The following ANK3 variants were observed in gnomAD, a reference collection of about 807,000 sequenced individuals.
ANK3 encodes the protein ankyrin-3.
In ANK3, 57 loss-of-function variants were observed where a neutral mutation model predicts 370.9. The ratio of observed to expected loss-of-function variants is 0.15; its 90% confidence interval spans 0.12 to 0.19. ANK3 has a LOEUF of 0.19. ANK3 is among the 10% of genes least tolerant of loss of function. The pLI is 1.00. For synonymous variants in ANK3, 1,929 were observed against 1,946.3 expected, an observed-to-expected ratio of 0.99 and a Z score of 0.23; for missense variants, 4,439 against 5,302.1, an observed-to-expected ratio of 0.84 and a Z score of 5.06.
At position 60,070,106 on chromosome 10, in the gene ANK3, C is replaced by T. The variant is rs756153597; in HGVS notation, c.10775G>A (p.Ser3592Asn). ...TTPARTPTDE[S>N]TPTSEPNPFP... is the part of the protein sequence containing the mutation. The stretch of plus-strand genomic sequence containing the variant: ...GGGGTTAGGCTCACTAGTTGGGGTA[C>T]TTTCATCAGTTGGCGTTCTGGCTGG... The change falls in exon 37 of 44, where the codon AGT becomes AAT. Residue 3592 changes from serine (S) to asparagine (N), a missense_variant. Around this residue, in one of 13 missense-constraint regions of ANK3, gnomAD observed 1,601 missense variants for 1,731.7 expected, o/e 0.92. Transcript: ENST00000280772. This position sits in a 1 kb window ranked among gnomAD's most constrained non-coding sequence, Gnocchi z 5.7. 7.4e-6 allele frequency: 12 copies of T among 1,614,120 alleles called. No individual in the cohort carries two copies. The Admixed American group carries it at 1.7e-4, about 22-fold the overall frequency.
intron 23 of ANK3, among the ~76,000 whole-genome samples, chr10:60,157,317 G>A (rs771065226): frequency 1.1e-4 from 16 of 148,418 alleles, no homozygotes; most frequent in South Asian, 2.1e-4. Flanking sequence ...GACTACAGGC[G>A]TGAGCCACTG....
Position 60,070,970 on chromosome 10 carries a change from G to C in ANK3, c.9911C>G (p.Pro3304Arg). 1 of 1,614,116 alleles carries C rather than the reference G, an allele frequency of 6.2e-7. No homozygotes were observed. Among genetic ancestry groups the C allele is most frequent in the Non-Finnish European group, 8.5e-7 (1 of 1,180,020 alleles). Residue 3304 changes from proline (P) to arginine (R), a missense_variant, in exon 37 of 44, where the codon CCA (proline) becomes CGA (arginine). By Grantham distance (103) the Pro-to-Arg change is moderately radical (BLOSUM62 -2). This residue lies in a region of ANK3 where 1,601 missense variants were observed against 1,731.7 expected (regional missense o/e 0.92). Transcript: ENST00000280772. This position sits in a 1 kb window ranked among gnomAD's most constrained non-coding sequence, Gnocchi z 5.7. The stretch of plus-strand genomic sequence containing the variant: ...TGCCCCGGGAGGAACTGGTGAAGGT[G>C]GCTGCACTCTAATGACAGGTTCAGC... ...QLAEPVIRVQ[P>R]PSPVPPGADV...
intron 1 of ANK3, among the ~76,000 whole-genome samples, chr10:60,676,387 A>G (rs1189383353): frequency 7.7e-6 from 1 of 130,564 alleles, no homozygotes; most frequent in East Asian, 2.0e-4. Context: ...ATTATTCTAC[A>G]TTTTCTATAA....
chr10:60,344,808 T>C (rs543214227), intron 1 of ANK3, among the ~76,000 whole-genome samples: 130 of 152,334 alleles, frequency 8.5e-4, no homozygotes, highest in African/African-American at 2.9e-3. Flanking sequence ...CAGATATGTG[T>C]ATCAATCAAA....
At chr10:60,099,771 A>G (rs190079292) in intron 28 of ANK3, among the ~76,000 whole-genome samples, 21 of 152,260 alleles carry the variant, frequency 1.4e-4, no homozygotes, top group Admixed American at 1.3e-3. Flanking sequence ...TGAATCAATA[A>G]CCTCGCATGA....
chr10:60,329,073 A>C (rs1356539843), intron 1 of ANK3, among the ~76,000 whole-genome samples: 2 of 152,200 alleles, frequency 1.3e-5, no homozygotes, highest in Non-Finnish European at 2.9e-5. Context: ...GCCTTCAATA[A>C]AATTCAACAT....
chr10:60,327,001 C>CAGAG (rs559252893), intron 1 of ANK3, among the ~76,000 whole-genome samples: 1 of 138,140 alleles, frequency 7.2e-6, no homozygotes, highest in Non-Finnish European at 1.5e-5. Flanking sequence ...GCCTGGGCGA[C>CAGAG]CGAGACTCCG....
intron 1 of ANK3, among the ~76,000 whole-genome samples, chr10:60,711,044 C>A (rs1227822253): frequency 6.6e-6 from 1 of 152,212 alleles, no homozygotes; most frequent in East Asian, 1.9e-4. Flanking sequence ...CTGACAAACA[C>A]ATCCCAAAAT....
Position 60,518,375 on chromosome 10 carries a change from C to G in ANK3, c.96+96811G>C, listed in dbSNP as rs72807955. On this transcript the variant is annotated intron_variant, in intron 2 of 43. Transcript: ENST00000373827. ...TGCTCTGGCCTCCTTGAGCCACAAG[C>G]CCCCTAACGTTACTACAGGAAGCTG... 5.5e-3 allele frequency among the ~76,000 whole-genome samples: 837 copies of G among 152,224 alleles called. 4 individuals carry two copies. Among genetic ancestry groups the G allele is most frequent in the South Asian group, 0.012 (58 of 4,820 alleles).
chr10:60,197,754 G>T (rs1409053341), intron 14 of ANK3, among the ~76,000 whole-genome samples: 2 of 152,140 alleles, frequency 1.3e-5, no homozygotes, highest in Admixed American at 6.5e-5. Flanking sequence ...TATCACACTT[G>T]CAAGGCTTAT....
At chr10:60,226,555 G>C (rs867098283) in intron 8 of ANK3, among the ~76,000 whole-genome samples, 5 of 9,300 alleles carry the variant, frequency 5.4e-4, no homozygotes, top group Admixed American at 1.3e-3. Flanking sequence ...ATATACTATA[G>C]TATATATACA....
chr10:60,165,813 T>C (rs2095609961), intron 23 of ANK3, among the ~76,000 whole-genome samples: 1 of 152,042 alleles, frequency 6.6e-6, no homozygotes, highest in Non-Finnish European at 1.5e-5. Context: ...TTTGGGAGAG[T>C]CAAATGATGC....
chr10:60,519,485 G>A (rs1278616374), intron 2 of ANK3, among the ~76,000 whole-genome samples: 1 of 152,130 alleles, frequency 6.6e-6, no homozygotes. Flanking sequence ...TAATTGAACT[G>A]CAAAATACCT....
intron 2 of ANK3, among the ~76,000 whole-genome samples, chr10:60,492,671 C>T (rs988113029): frequency 4.6e-5 from 6 of 130,718 alleles, no homozygotes; most frequent in African/African-American, 1.2e-4. Context: ...CATGCCACTG[C>T]GCTCCAGCCT....
intron 7 of ANK3, among the ~76,000 whole-genome samples, chr10:60,260,579 A>G (rs924715997): frequency 5.9e-5 from 9 of 152,162 alleles, no homozygotes; most frequent in Non-Finnish European, 8.8e-5. Flanking sequence ...GTAGTGTCCC[A>G]TGTTGGAGGT....
chr10:60,515,832 A>T (rs1240450897), intron 2 of ANK3, among the ~76,000 whole-genome samples: 2 of 152,192 alleles, frequency 1.3e-5, no homozygotes, highest in African/African-American at 4.8e-5. Flanking sequence ...AAATCATGTC[A>T]TTATACTAGT....
chr10:60,640,742 CCT>C (rs2078620992), intron 1 of ANK3, among the ~76,000 whole-genome samples: 1 of 89,472 alleles, frequency 1.1e-5, no homozygotes, highest in Non-Finnish European at 2.5e-5. Flanking sequence ...ACAGCGATGC[CCT>C]CTCTCACCAC....
chr10:60,518,724 T>A (rs1315198602), intron 2 of ANK3, among the ~76,000 whole-genome samples: 1 of 152,178 alleles, frequency 6.6e-6, no homozygotes, highest in African/African-American at 2.4e-5. Context: ...ACACACTTAC[T>A]AATTAACTTT....
At chr10:60,545,741 A>G (rs1313477292) in intron 2 of ANK3, among the ~76,000 whole-genome samples, 2 of 152,208 alleles carry the variant, frequency 1.3e-5, no homozygotes, top group Non-Finnish European at 2.9e-5. Flanking sequence ...ATAAATTAAA[A>G]TCTGGTTATA....
Sources: gnomAD v4.1 joint callset for allele counts (sites outside exome capture counted in the v4.1 genomes callset) on GRCh38, gnomAD v4.1.1 for gene constraint, gnomAD v4.1.1 regional missense constraint, Gnocchi (gnomAD v3.1) non-coding constraint, MANE v1.5 for transcripts, NCBI Gene and HGNC (gene_info 2026-07-23, HGNC 2026-07-21) for gene names.